The following STON2 variants were observed in gnomAD, a reference collection of about 807,000 sequenced individuals.
The protein encoded by STON2 is stonin-2.
In STON2, 29 loss-of-function variants were observed where a neutral mutation model predicts 65.7. That is an observed-to-expected ratio of 0.44 (90% CI 0.33 to 0.60). The LOEUF is 0.60. Ranked by LOEUF, STON2 falls within the 20% of genes least tolerant of loss-of-function variation. The pLI, the probability that STON2 is intolerant of heterozygous loss-of-function variation, is 0.03. For missense variants in STON2, 1,054 were observed against 1,118.1 expected, an observed-to-expected ratio of 0.94 and a Z score of 0.82; for synonymous variants, 404 against 414.2, an observed-to-expected ratio of 0.98 and a Z score of 0.30.
At chr14:81,269,888 C>T (rs1894503002) in intron 7 of STON2, 1 of 985,260 alleles carries the variant, frequency 1.0e-6, no homozygotes, top group African/African-American at 1.7e-5. Context: ...CTATTATAAA[C>T]ATTTGCTTGG....
At chr14:81,284,115 T>TCA (rs1407322649) in intron 5 of STON2, among the ~76,000 whole-genome samples, 50 of 152,332 alleles carry the variant, frequency 3.3e-4, no homozygotes, top group African/African-American at 1.2e-3. Context: ...CCCCTATCTC[T>TCA]CTCTCTCTCT....
chr14:81,426,042 A>C (rs549056458), intron 2 of STON2, among the ~76,000 whole-genome samples: 2 of 152,352 alleles, frequency 1.3e-5, no homozygotes, highest in South Asian at 4.1e-4. Flanking sequence ...ATCTTTCAAG[A>C]CATAAAGTGG....
intron 5 of STON2, among the ~76,000 whole-genome samples, chr14:81,290,695 A>T (rs1158218237): frequency 1.3e-5 from 2 of 152,178 alleles, no homozygotes; most frequent in East Asian, 3.8e-4. Context: ...CATGTTCTTT[A>T]TGTGGACTTT....
chr14:81,382,338 T>C (rs532464218), intron 3 of STON2, among the ~76,000 whole-genome samples: 3 of 152,266 alleles, frequency 2.0e-5, no homozygotes, highest in Admixed American at 6.5e-5. Flanking sequence ...AAAAGAACCA[T>C]AGCTACAAGT....
chr14:81,308,752 C>T (rs1266271027), intron 5 of STON2, among the ~76,000 whole-genome samples: 6 of 142,260 alleles, frequency 4.2e-5, no homozygotes, highest in African/African-American at 1.6e-4. Flanking sequence ...AAGAGACAAC[C>T]AAATTCACCC....
chr14:81,271,777 C>T (rs1894604462), intron 6 of STON2, among the ~76,000 whole-genome samples: 1 of 152,222 alleles, frequency 6.6e-6, no homozygotes, highest in South Asian at 2.1e-4. Flanking sequence ...TGTCATTCAC[C>T]TGCCATACAG....
Position 81,351,439 on chromosome 14 carries a change from T to C in STON2, c.571+19549A>G, listed in dbSNP as rs376204134. Among the ~76,000 whole-genome samples, 6 of 152,222 alleles carry C rather than the reference T, an allele frequency of 3.9e-5. No individual in the cohort carries two copies. In the East Asian group the frequency reaches 9.7e-4, roughly 25 times the overall value. On this transcript the variant is annotated intron_variant, in intron 4 of 7. Transcript: ENST00000614646. ...CAGGAACTGTGACATGGAGCAAAAC[T>C]CCCTAGAGAACCTGCTTGGGATAGC...
At chr14:81,337,594 T>TGAATG (rs1201039036) in intron 4 of STON2, among the ~76,000 whole-genome samples, 2 of 151,922 alleles carry the variant, frequency 1.3e-5, no homozygotes, top group Non-Finnish European at 2.9e-5. Context: ...AGCAGAGACA[T>TGAATG]GAATGGAGTG....
At position 81,329,768 on chromosome 14, in the gene STON2, AAG is replaced by A. The variant is rs550127363; in HGVS notation, c.572-5583_572-5582del. Reference sequence around the variant, plus strand: ...CTATGGCTTAAACCGTTTAGTGGGAAAGAGAGAGAAGGGGGTGGGGGAAATCC... The same window carrying A: ...CTATGGCTTAAACCGTTTAGTGGGAAAGAGAGAAGGGGGTGGGGGAAATCC... On this transcript the variant is annotated intron_variant, in intron 4 of 7. Coordinates refer to ENST00000614646, the MANE Select transcript of STON2 (RefSeq NM_001394390.1). Among the ~76,000 whole-genome samples, 47 of 152,232 alleles carry A rather than the reference AAG, an allele frequency of 3.1e-4. No individual in the cohort carries two copies. In the South Asian group the frequency reaches 4.1e-3, roughly 13 times the overall value.
chr14:81,396,925 G>A (rs1174868280), intron 2 of STON2, among the ~76,000 whole-genome samples: 1 of 152,130 alleles, frequency 6.6e-6, no homozygotes, highest in Non-Finnish European at 1.5e-5. Flanking sequence ...GGGCATGGTG[G>A]CACATGCCTG....
At chr14:81,273,509 AAGC>A (rs1161685911) in intron 6 of STON2, among the ~76,000 whole-genome samples, 2 of 152,198 alleles carry the variant, frequency 1.3e-5, no homozygotes, top group Admixed American at 6.5e-5. Context: ...TGATCTGTGG[AAGC>A]AGCAGGACTT....
chr14:81,321,370 T>TA (rs566882924), intron 5 of STON2, among the ~76,000 whole-genome samples: 8,993 of 126,666 alleles, frequency 0.071, 593 homozygotes, highest in African/African-American at 0.18. Flanking sequence ...GTTTCTACTT[T>TA]AAAAAAAAAA....
chr14:81,282,609 T>C (rs1319581540), intron 5 of STON2, among the ~76,000 whole-genome samples: 1 of 152,192 alleles, frequency 6.6e-6, no homozygotes, highest in Non-Finnish European at 1.5e-5. Flanking sequence ...TATTTTGATG[T>C]GAAAACAAAT....
At chr14:81,389,493 C>A (rs149499009) in intron 3 of STON2, among the ~76,000 whole-genome samples, 1 of 152,302 alleles carries the variant, frequency 6.6e-6, no homozygotes, top group Non-Finnish European at 1.5e-5. Flanking sequence ...AATTAATGAA[C>A]TAAGAAAAGC....
intron 3 of STON2, among the ~76,000 whole-genome samples, chr14:81,393,289 C>A (rs550031200): frequency 6.6e-6 from 1 of 152,248 alleles, no homozygotes; most frequent in South Asian, 2.1e-4. Context: ...TAATCCATGA[C>A]CTGAAGGCAC....
At chr14:81,276,830 G>C (rs1894839808) in intron 6 of STON2, 71 bp downstream of exon 6, 3 of 1,525,884 alleles carry the variant, frequency 2.0e-6, no homozygotes, top group South Asian at 1.3e-5. Flanking sequence ...CTTCATACAG[G>C]ATGTGGAACT....
intron 4 of STON2, among the ~76,000 whole-genome samples, chr14:81,353,419 C>G (rs942824584): frequency 1.3e-5 from 2 of 152,074 alleles, no homozygotes; most frequent in African/African-American, 4.8e-5. Flanking sequence ...TTCACCACCC[C>G]CAACAAAGAG....
chr14:81,384,646 G>A (rs564472659), intron 3 of STON2, among the ~76,000 whole-genome samples: 11 of 152,312 alleles, frequency 7.2e-5, no homozygotes, highest in African/African-American at 2.4e-4. Flanking sequence ...TGTATCCACA[G>A]TGTTTGAACA....
chr14:81,304,140 C>T (rs943687060), intron 5 of STON2, among the ~76,000 whole-genome samples: 5 of 152,258 alleles, frequency 3.3e-5, no homozygotes, highest in African/African-American at 9.6e-5. Context: ...TGTTCTTTTA[C>T]GTATCTCATC....
Sources: allele counts gnomAD v4.1 joint callset (sites outside exome capture counted in the v4.1 genomes callset), GRCh38; gene constraint gnomAD v4.1.1; transcripts MANE v1.5; gene names NCBI Gene and HGNC (gene_info 2026-07-23, HGNC 2026-07-21).